Variants in RALB observed in about 807,000 individuals in gnomAD.
RALB encodes RAS like proto-oncogene B, also known as ras-related protein Ral-B.
Under a neutral mutation model 21.3 loss-of-function variants are expected in RALB, and 16 were observed. The ratio of observed to expected loss-of-function variants is 0.75; its 90% CI spans 0.51 to 1.14. The LOEUF (loss-of-function observed/expected upper bound fraction) is 1.14. Ranked by LOEUF, RALB falls within the 50% of genes most tolerant of loss-of-function variation. The probability of loss-of-function intolerance (pLI) is 0.00; values close to 1 mark genes in which losing one functional copy is unlikely to be tolerated. For synonymous variants in RALB, 93 were observed against 96.1 expected, an observed-to-expected ratio of 0.97 and a Z score of 0.19; for missense variants, 161 against 256.2, an observed-to-expected ratio of 0.63 and a Z score of 2.54.
chr2:120,262,897 C>T (rs139034882), intron 1 of RALB, among the ~76,000 whole-genome samples: 4 of 152,252 alleles, frequency 2.6e-5, no homozygotes, highest in Middle Eastern at 3.4e-3. Context: ...CTTTGGTACG[C>T]GTTTTCCACG....
At chr2:120,286,688 AGAAAT>A (rs1690166935) in intron 3 of RALB, among the ~76,000 whole-genome samples, 1 of 152,196 alleles carries the variant, frequency 6.6e-6, no homozygotes. Flanking sequence ...TTGTGAGTTG[AGAAAT>A]GAAATGAAAG....
chr2:120,246,612 G>A (rs1468368743), intron 1 of RALB, among the ~76,000 whole-genome samples: 4 of 152,308 alleles, frequency 2.6e-5, no homozygotes, highest in South Asian at 4.1e-4. Context: ...GGCTGCTAGC[G>A]TCATGTGCAT....
intron 1 of RALB, among the ~76,000 whole-genome samples, chr2:120,259,079 C>T (rs531836094): frequency 3.9e-5 from 6 of 152,122 alleles, no homozygotes; most frequent in Admixed American, 2.0e-4. Flanking sequence ...TTGCTGGGCT[C>T]GGGAGTGAAG....
rs141072549 is a variant in RALB at position 120,240,516 on chromosome 2, T to A, written c.19+391T>A. ...GGTTTCACCATGTTGCTCAGGCTGG[T>A]CTCGAACTCCTGGGCTCAAGGATCC... is the stretch of plus-strand genomic sequence containing the variant. On this transcript the variant is annotated intron_variant, in intron 1 of 3. Coordinates refer to the RALB transcript ENST00000447591. 1.9e-3 allele frequency among the ~76,000 whole-genome samples: 288 copies of A among 152,180 alleles called. 1 individual carries two copies. The highest frequency in any genetic ancestry group is 6.8e-3 in the Middle Eastern group (2 of 294).
At chr2:120,245,364 G>A (rs1688954163) in intron 1 of RALB, among the ~76,000 whole-genome samples, 2 of 152,220 alleles carry the variant, frequency 1.3e-5, no homozygotes, top group South Asian at 2.1e-4. Flanking sequence ...TAAAGAGGAC[G>A]TCACAGCTCC....
chr2:120,293,106 C>T (rs1690345789), intron 4 of RALB, 35 bp from the exon 5 acceptor site: 4 of 1,552,044 alleles, frequency 2.6e-6, no homozygotes, highest in African/African-American at 1.4e-5. Context: ...GCTCTTTCTT[C>T]ACTATTCTTT....
At chr2:120,265,101 T>C (rs959014138) in intron 1 of RALB, among the ~76,000 whole-genome samples, 1 of 152,244 alleles carries the variant, frequency 6.6e-6, no homozygotes, top group Non-Finnish European at 1.5e-5. Flanking sequence ...AGTTCTTTTG[T>C]ATATACAGCC....
chr2:120,254,848 G>A (rs1318986670), intron 1 of RALB, among the ~76,000 whole-genome samples: 1 of 151,968 alleles, frequency 6.6e-6, no homozygotes, highest in Non-Finnish European at 1.5e-5. Context: ...GCTAATTTTT[G>A]TATTTTTTGT....
At chr2:120,273,084 T>C (rs1192134456) in intron 1 of RALB, among the ~76,000 whole-genome samples, 2 of 152,314 alleles carry the variant, frequency 1.3e-5, no homozygotes, top group East Asian at 3.9e-4. Flanking sequence ...ACCAATTCAC[T>C]GAGACCATGG....
chr2:120,286,691 A>G (rs745867083), intron 3 of RALB, among the ~76,000 whole-genome samples: 4 of 152,228 alleles, frequency 2.6e-5, no homozygotes, highest in Non-Finnish European at 5.9e-5. Flanking sequence ...TGAGTTGAGA[A>G]ATGAAATGAA....
chr2:120,260,036 C>T (rs2104590699), intron 1 of RALB, among the ~76,000 whole-genome samples: 1 of 152,342 alleles, frequency 6.6e-6, no homozygotes, highest in Non-Finnish European at 1.5e-5. Flanking sequence ...GGCTGGCTGG[C>T]TGCTCCGAGT....
In RALB at chr2:120,268,841, GAAGGA is replaced by G. The variant is rs546015838; in HGVS notation, c.-47-9768_-47-9764del. On this transcript the variant is annotated intron_variant, in intron 1 of 4. Transcript: ENST00000272519. ...AGTTTATCAGAATGCTTTAGAACAG[GAAGGA>G]AAGGAAAGAAAAGAAGGAAAGTCCA... 2.9e-3 allele frequency among the ~76,000 whole-genome samples: 441 copies of G among 152,282 alleles called. 1 individual carries two copies. Among genetic ancestry groups the G allele is most frequent in the South Asian group, 0.015 (74 of 4,818 alleles).
intron 2 of RALB, among the ~76,000 whole-genome samples, chr2:120,279,353 G>C (rs72843019): frequency 0.044 from 6,723 of 152,162 alleles, 243 homozygotes; most frequent in Non-Finnish European, 0.068. Flanking sequence ...TGCTTGAGCT[G>C]TTTGCTAGGA....
upstream of RALB, among the ~76,000 whole-genome samples, chr2:120,249,556 A>C (rs1573317307): frequency 6.6e-6 from 1 of 152,068 alleles, no homozygotes; most frequent in Admixed American, 6.5e-5. Flanking sequence ...ATAGGCGGGG[A>C]GGTGCCACGC....
intron 1 of RALB, among the ~76,000 whole-genome samples, chr2:120,254,399 T>C (rs1172069771): frequency 1.3e-5 from 2 of 152,184 alleles, no homozygotes; most frequent in Non-Finnish European, 2.9e-5. Context: ...TTGCTTCCCA[T>C]TGGAAACAGC....
At chr2:120,240,834 G>A (rs920958163) in intron 1 of RALB, among the ~76,000 whole-genome samples, 11 of 152,148 alleles carry the variant, frequency 7.2e-5, no homozygotes, top group Non-Finnish European at 1.2e-4. Flanking sequence ...TGGGCACCTG[G>A]GTGAGTGTGT....
At chr2:120,259,360 C>G (rs1041680473) in intron 1 of RALB, among the ~76,000 whole-genome samples, 3 of 152,202 alleles carry the variant, frequency 2.0e-5, no homozygotes, top group African/African-American at 4.8e-5. Flanking sequence ...TACAAAGGTT[C>G]TCCACGTCCC....
intron 1 of RALB, among the ~76,000 whole-genome samples, chr2:120,267,138 G>A (rs567621747): frequency 1.3e-5 from 2 of 152,318 alleles, no homozygotes; most frequent in Admixed American, 1.3e-4. Flanking sequence ...CTTACAGGAA[G>A]GGACTCCAAA....
chr2:120,270,178 GTTC>G (rs111773097), intron 1 of RALB, among the ~76,000 whole-genome samples: 4,135 of 152,204 alleles, frequency 0.027, 189 homozygotes, highest in African/African-American at 0.095. Context: ...TTGTCTTTCA[GTTC>G]TTCTTATAAT....
Sources: allele counts gnomAD v4.1 joint callset (sites outside exome capture counted in the v4.1 genomes callset), GRCh38; gene constraint gnomAD v4.1.1; transcripts MANE v1.5; gene names NCBI Gene and HGNC (gene_info 2026-07-23, HGNC 2026-07-21).